UNC13C: variants seen among roughly 807,000 people sequenced by gnomAD.
UNC13C encodes the protein protein unc-13 homolog C.
Under a neutral mutation model 245.4 loss-of-function variants are expected in UNC13C, and 174 were observed. That is an observed-to-expected ratio of 0.71 (90% confidence interval 0.63 to 0.80). The LOEUF (loss-of-function observed/expected upper bound fraction) is 0.80. Among genes scored for constraint, UNC13C ranks in the 30% least tolerant of loss-of-function variants. The pLI is 0.00. For missense variants in UNC13C, 2,829 were observed against 2,602.9 expected (o/e 1.09, Z -1.89); for synonymous variants, 992 against 895.1 (o/e 1.11, Z -1.93).
chr15:54,424,593 A>G (rs1006567209), intron 19 of UNC13C, among the ~76,000 whole-genome samples: 7 of 151,920 alleles, frequency 4.6e-5, no homozygotes, highest in Non-Finnish European at 7.4e-5. Context: ...AGCATTATAG[A>G]TAACATTCAC....
intron 30 of UNC13C, among the ~76,000 whole-genome samples, chr15:54,604,466 T>C (rs548560662): frequency 9.2e-5 from 14 of 152,316 alleles, no homozygotes; most frequent in African/African-American, 3.4e-4. Context: ...GTAAACACTT[T>C]ATTTTGAGAG....
At chr15:54,629,729 T>G (rs956926882), downstream of UNC13C, 2 of 137,130 alleles carry the variant, frequency 1.5e-5, no homozygotes, top group Non-Finnish European at 3.3e-5. Context: ...TCATAATACA[T>G]GATACATTTG....
At chr15:53,909,793 G>A in the UNC13C span, among the ~76,000 whole-genome samples, 18 of 146,068 alleles carry the variant, frequency 1.2e-4, 1 homozygote, top group Non-Finnish European at 2.0e-4. Flanking sequence ...GAACTATTGC[G>A]TTTCATGTTG....
At chr15:54,438,860 T>C (rs566066652) in intron 19 of UNC13C, among the ~76,000 whole-genome samples, 1 of 151,964 alleles carries the variant, frequency 6.6e-6, no homozygotes, top group Non-Finnish European at 1.5e-5. Flanking sequence ...AACATTAAGT[T>C]CTTCCCTCAC....
chr15:54,341,901 G>A (rs537846690), intron 17 of UNC13C, among the ~76,000 whole-genome samples: 8 of 151,784 alleles, frequency 5.3e-5, no homozygotes, highest in South Asian at 2.1e-4. Context: ...GTGTGAACCC[G>A]GGAGGCGGAG....
At chr15:54,428,699 C>G (rs1338109940) in intron 19 of UNC13C, among the ~76,000 whole-genome samples, 1 of 151,390 alleles carries the variant, frequency 6.6e-6, no homozygotes, top group Non-Finnish European at 1.5e-5. Context: ...TGAGTAAATT[C>G]CTCAGTTTAG....
intron 8 of UNC13C, among the ~76,000 whole-genome samples, chr15:54,258,620 C>T (rs1464408604): frequency 2.6e-5 from 4 of 152,076 alleles, no homozygotes; most frequent in Non-Finnish European, 5.9e-5. Context: ...CTGCCTGCCT[C>T]GGCCTCCAAA....
At chr15:53,851,103 AT>A in the UNC13C span, among the ~76,000 whole-genome samples, 2 of 152,048 alleles carry the variant, frequency 1.3e-5, no homozygotes, top group Non-Finnish European at 2.9e-5. Context: ...TATATATCAT[AT>A]TTAAGTAAAC....
At chr15:54,357,639 A>G (rs1464635890) in intron 17 of UNC13C, among the ~76,000 whole-genome samples, 1 of 152,114 alleles carries the variant, frequency 6.6e-6, no homozygotes, top group Non-Finnish European at 1.5e-5. Flanking sequence ...CTCTAAAGTT[A>G]GCATAAAATT....
intron 22 of UNC13C, among the ~76,000 whole-genome samples, chr15:54,505,745 T>G (rs575773306): frequency 8.9e-4 from 21 of 23,638 alleles, no homozygotes; most frequent in African/African-American, 4.8e-3. Flanking sequence ...AGCTATATTC[T>G]TTTTTTTTTT....
At chr15:53,977,189 G>A (rs1893736717), upstream of UNC13C, among the ~76,000 whole-genome samples, 1 of 152,176 alleles carries the variant, frequency 6.6e-6, no homozygotes, top group Non-Finnish European at 1.5e-5. Context: ...TAAAGGTGGG[G>A]CTGATAGCTG....
intron 28 of UNC13C, among the ~76,000 whole-genome samples, chr15:54,550,057 C>T (rs1896669152): frequency 1.3e-5 from 2 of 152,112 alleles, no homozygotes; most frequent in Non-Finnish European, 2.9e-5. Context: ...AATACCATTA[C>T]AAGTGGGAGA....
At chr15:54,253,539 G>A (rs1210493225) in intron 8 of UNC13C, among the ~76,000 whole-genome samples, 3 of 152,200 alleles carry the variant, frequency 2.0e-5, no homozygotes, top group African/African-American at 7.2e-5. Flanking sequence ...GAGTTCACCT[G>A]CTTTTTCTTT....
intron 18 of UNC13C, among the ~76,000 whole-genome samples, chr15:54,412,169 G>A (rs956328865): frequency 1.6e-4 from 25 of 151,746 alleles, no homozygotes; most frequent in African/African-American, 5.3e-4. Flanking sequence ...TCGCACAACC[G>A]CACTCCAGCC....
At chr15:54,399,111 C>G (rs1356859684) in intron 18 of UNC13C, among the ~76,000 whole-genome samples, 4 of 151,612 alleles carry the variant, frequency 2.6e-5, no homozygotes, top group African/African-American at 9.6e-5. Flanking sequence ...ACTAAATGCA[C>G]TGAGTGGAGT....
At chr15:54,250,135 G>A in intron 7 of UNC13C, 90 bp from the exon 8 acceptor site, 2 of 1,258,928 alleles carry the variant, frequency 1.6e-6, no homozygotes, top group Non-Finnish European at 2.3e-6. Flanking sequence ...ACCATTTTCA[G>A]AGAAAAGTGA....
chr15:54,286,807 C>T (rs1365521903), intron 10 of UNC13C, among the ~76,000 whole-genome samples: 2 of 152,132 alleles, frequency 1.3e-5, no homozygotes. Flanking sequence ...AAACAAAACA[C>T]AGACACACAT....
chr15:54,514,168 A>C (rs1484881970), intron 24 of UNC13C, among the ~76,000 whole-genome samples: 3 of 152,210 alleles, frequency 2.0e-5, no homozygotes, highest in African/African-American at 7.2e-5. Context: ...GGTTTCCTTA[A>C]CTTGGGGCTT....
chr15:54,505,001 A>C (rs552646816), intron 22 of UNC13C, among the ~76,000 whole-genome samples: 4 of 152,282 alleles, frequency 2.6e-5, no homozygotes, highest in African/African-American at 9.6e-5. Context: ...CTAATCCTTT[A>C]AATGCAGCAG....
Sources: allele counts gnomAD v4.1 joint callset (sites outside exome capture counted in the v4.1 genomes callset), GRCh38; gene constraint gnomAD v4.1.1; transcripts MANE v1.5; gene names NCBI Gene and HGNC (gene_info 2026-07-23, HGNC 2026-07-21).